Variants in PDE1C observed in about 807,000 individuals in gnomAD.
The protein encoded by PDE1C is phosphodiesterase 1C.
A neutral mutation model predicts 93.1 loss-of-function variants in PDE1C; 62 were observed. The observed-to-expected ratio is 0.67, with a 90% confidence interval of 0.54 to 0.82. The LOEUF (loss-of-function observed/expected upper bound fraction) is 0.82. Among genes scored for constraint, PDE1C ranks in the 40% least tolerant of loss-of-function variants. The probability of loss-of-function intolerance (pLI) is 0.00; values close to 1 mark genes in which losing one functional copy is unlikely to be tolerated. For missense variants in PDE1C, 742 were observed against 884.6 expected (o/e 0.84, Z 2.04); for synonymous variants, 325 against 310.1 (o/e 1.05, Z -0.50).
At chr7:31,617,719 G>GTACTT in the PDE1C span, among the ~76,000 whole-genome samples, 7 of 151,998 alleles carry the variant, frequency 4.6e-5, no homozygotes, top group African/African-American at 9.7e-5. Flanking sequence ...GACCCCCACA[G>GTACTT]TACTTTAAGG....
chr7:31,985,599 G>A (rs558939924), intron 2 of PDE1C, among the ~76,000 whole-genome samples: 1 of 151,620 alleles, frequency 6.6e-6, no homozygotes, highest in South Asian at 2.1e-4. Flanking sequence ...AGGTCCCAGT[G>A]TGTGATGTTC....
intron 2 of PDE1C, among the ~76,000 whole-genome samples, chr7:31,993,513 C>T (rs956982331): frequency 1.3e-5 from 2 of 152,114 alleles, no homozygotes; most frequent in South Asian, 2.1e-4. Flanking sequence ...AGAAAGCAAG[C>T]GGATGGATGA....
At chr7:31,828,403 A>C in intron 11 of PDE1C, 30 bp from the exon 12 acceptor site, 1 of 1,573,986 alleles carries the variant, frequency 6.4e-7, no homozygotes, top group Non-Finnish European at 8.7e-7. Flanking sequence ...TAGTAAATTA[A>C]GGAACAGTAG....
In PDE1C at chr7:32,193,293, G is replaced by C. The variant is rs1054293990; in HGVS notation, c.136+16196C>G. 3.3e-5 allele frequency among the ~76,000 whole-genome samples: 5 copies of C among 152,086 alleles called. No homozygotes were observed. The East Asian group carries it at 9.6e-4, about 29-fold the overall frequency. On this transcript the variant is annotated intron_variant, in intron 2 of 18. Coordinates refer to the PDE1C transcript ENST00000396193. ...ATAAAGTTAGTTGAAGGTTTTTGTA[G>C]ATCTTCCTTATCAAGTTGAAGAAAT...
intron 3 of PDE1C, among the ~76,000 whole-genome samples, chr7:32,126,542 A>G (rs1799591274): frequency 6.6e-6 from 1 of 152,220 alleles, no homozygotes; most frequent in Non-Finnish European, 1.5e-5. Flanking sequence ...CACAGGATCT[A>G]TGAAAAACTG....
At chr7:31,917,703 G>A (rs893402046) in intron 2 of PDE1C, among the ~76,000 whole-genome samples, 6 of 152,184 alleles carry the variant, frequency 3.9e-5, no homozygotes, top group Admixed American at 6.5e-5. Context: ...ACTGCATTAA[G>A]AGCCTGGCCA....
At chr7:32,246,710 G>A (rs929638100) in intron 1 of PDE1C, among the ~76,000 whole-genome samples, 3 of 152,166 alleles carry the variant, frequency 2.0e-5, no homozygotes, top group African/African-American at 7.2e-5. Context: ...TTCAAACACT[G>A]GCTCTCCTAA....
intron 1 of PDE1C, among the ~76,000 whole-genome samples, chr7:32,217,948 G>T (rs138171749): frequency 6.6e-6 from 1 of 152,266 alleles, no homozygotes; most frequent in Non-Finnish European, 1.5e-5. Flanking sequence ...TAATTGCCTG[G>T]GATGAAATAA....
intron 1 of PDE1C, among the ~76,000 whole-genome samples, chr7:32,310,930 C>CA (rs1240305043): frequency 6.6e-6 from 1 of 152,006 alleles, no homozygotes; most frequent in Non-Finnish European, 1.5e-5. Context: ...AATAGAGACA[C>CA]AAAAAACCCT....
chr7:32,142,657 CTT>C (rs1272233208), intron 3 of PDE1C, among the ~76,000 whole-genome samples: 1 of 152,180 alleles, frequency 6.6e-6, no homozygotes, highest in Non-Finnish European at 1.5e-5. Context: ...ACCATCTTCT[CTT>C]TTTCTCTCCT....
chr7:32,202,649 G>A (rs1250820193), intron 2 of PDE1C, among the ~76,000 whole-genome samples: 1 of 152,182 alleles, frequency 6.6e-6, no homozygotes, highest in Non-Finnish European at 1.5e-5. Flanking sequence ...GTCCCCTTGT[G>A]GGCAAGCAGA....
intron 1 of PDE1C, among the ~76,000 whole-genome samples, chr7:32,402,497 C>T (rs1178123001): frequency 1.3e-5 from 2 of 152,080 alleles, no homozygotes; most frequent in Non-Finnish European, 2.9e-5. Flanking sequence ...GAAGTTAGTC[C>T]TTCTTCCACC....
the PDE1C span, chr7:31,643,597 G>A: frequency 6.2e-7 from 1 of 1,614,048 alleles, no homozygotes; most frequent in Non-Finnish European, 8.5e-7. Flanking sequence ...GTGTGATCCT[G>A]TTACCGCAAC....
the PDE1C span, among the ~76,000 whole-genome samples, chr7:31,745,387 C>G: frequency 6.6e-6 from 1 of 152,142 alleles, no homozygotes; most frequent in South Asian, 2.1e-4. Context: ...ATGTTGATCA[C>G]TACGGAGGAT....
Position 32,247,668 on chromosome 7 carries a change from A to G in PDE1C, c.86-38129T>C, listed in dbSNP as rs542378770. On this transcript the variant is annotated intron_variant, in intron 1 of 18. Transcript: ENST00000396193. ...TCATTCTGTTTCTCACTTTTAGTAC[A>G]GTATTCAATAAATAACATGAGATAC... is the stretch of plus-strand genomic sequence containing the variant. Among the ~76,000 whole-genome samples, 141 of 152,348 alleles carry G rather than the reference A, an allele frequency of 9.3e-4. 1 individual carries two copies. Among genetic ancestry groups the G allele is most frequent in the Non-Finnish European group, 1.6e-3 (112 of 68,032 alleles).
chr7:32,390,089 AT>A (rs1055045246), intron 1 of PDE1C, among the ~76,000 whole-genome samples: 19 of 152,134 alleles, frequency 1.2e-4, no homozygotes, highest in Admixed American at 6.5e-4. Flanking sequence ...CTATAAATAT[AT>A]TTTTCCCCTT....
At chr7:31,661,951 A>G in the PDE1C span, among the ~76,000 whole-genome samples, 1 of 152,216 alleles carries the variant, frequency 6.6e-6, no homozygotes, top group African/African-American at 2.4e-5. Flanking sequence ...TGGCTCACAT[A>G]TACACATATC....
chr7:31,804,329 G>T (rs1196170168), intron 16 of PDE1C, among the ~76,000 whole-genome samples: 5 of 151,798 alleles, frequency 3.3e-5, no homozygotes, highest in Non-Finnish European at 7.4e-5. Flanking sequence ...ATATAAATCT[G>T]GCTAGTGGGA....
intron 1 of PDE1C, among the ~76,000 whole-genome samples, chr7:32,284,952 C>T (rs1011997452): frequency 1.3e-5 from 2 of 151,732 alleles, no homozygotes; most frequent in African/African-American, 2.4e-5. Flanking sequence ...ATCACTTGAA[C>T]CTGGGAGGCA....
Sources: gnomAD v4.1 joint callset for allele counts (sites outside exome capture counted in the v4.1 genomes callset) on GRCh38, gnomAD v4.1.1 for gene constraint, MANE v1.5 for transcripts, NCBI Gene and HGNC (gene_info 2026-07-23, HGNC 2026-07-21) for gene names.